The following CENPP variants were observed in gnomAD, a reference collection of about 807,000 sequenced individuals.
The protein encoded by CENPP is centromere protein P.
In CENPP, 24 loss-of-function variants were observed where a neutral mutation model predicts 35.6. The observed-to-expected ratio is 0.67, with a 90% confidence interval of 0.49 to 0.95. The LOEUF is 0.95. Among genes scored for constraint, CENPP ranks in the 40% least tolerant of loss-of-function variants. The pLI is 0.00. For synonymous variants in CENPP, 120 were observed against 125.5 expected (o/e 0.96, Z 0.29); for missense variants, 332 against 345.3 (o/e 0.96, Z 0.31).
intron 5 of CENPP, among the ~76,000 whole-genome samples, chr9:92,518,815 G>A (rs907262932): frequency 6.6e-6 from 1 of 152,188 alleles, no homozygotes; most frequent in African/African-American, 2.4e-5. Context: ...CTTGAACCCA[G>A]GAGGTGGAGG....
At chr9:92,528,245 A>T (rs1178700365) in intron 5 of CENPP, among the ~76,000 whole-genome samples, 1 of 152,182 alleles carries the variant, frequency 6.6e-6, no homozygotes, top group Non-Finnish European at 1.5e-5. Flanking sequence ...CTGAAAGGGG[A>T]TGCAAATCAA....
chr9:92,362,922 G>T (rs1480497558), intron 4 of CENPP, among the ~76,000 whole-genome samples: 2 of 151,312 alleles, frequency 1.3e-5, no homozygotes, highest in Non-Finnish European at 2.9e-5. Context: ...TCTTATTTTG[G>T]TGCTCAAAGT....
chr9:92,429,782 C>T (rs371005059), intron 5 of CENPP, among the ~76,000 whole-genome samples: 208 of 138,570 alleles, frequency 1.5e-3, no homozygotes, highest in African/African-American at 5.6e-3. Context: ...AACGAAACTC[C>T]GTCTCAAAAT....
At chr9:92,483,451 A>G (rs1333038262) in intron 5 of CENPP, among the ~76,000 whole-genome samples, 2 of 152,074 alleles carry the variant, frequency 1.3e-5, no homozygotes, top group Non-Finnish European at 2.9e-5. Context: ...GATGGTCTCG[A>G]TCTCCTGACC....
intron 5 of CENPP, among the ~76,000 whole-genome samples, chr9:92,520,754 C>T (rs1222312207): frequency 6.6e-6 from 1 of 152,098 alleles, no homozygotes; most frequent in Non-Finnish European, 1.5e-5. Context: ...ATGGTATAGC[C>T]ATACAATGGA....
chr9:92,485,877 A>G (rs139843489), intron 5 of CENPP, among the ~76,000 whole-genome samples: 178 of 152,370 alleles, frequency 1.2e-3, no homozygotes, highest in African/African-American at 4.0e-3. Flanking sequence ...TAGGAGCAGC[A>G]TGTGTCAGGA....
chr9:92,473,186 A>C (rs1027476510), intron 5 of CENPP, among the ~76,000 whole-genome samples: 2 of 152,146 alleles, frequency 1.3e-5, no homozygotes, highest in African/African-American at 4.8e-5. Context: ...GTCTTTGGTG[A>C]CAAGTGTGTT....
Position 92,612,548 on chromosome 9 carries a change from A to C in CENPP, c.670A>C (p.Ile224Leu). Residue 224 changes from isoleucine to leucine, a missense_variant, in exon 7 of 8, where the codon ATA becomes CTA. Physicochemically the swap from Ile to Leu is conservative, Grantham distance 5. Coordinates refer to ENST00000375587, the MANE Select transcript of CENPP (RefSeq NM_001012267.3). ...PGFELVIVWR[I>L]QIDEDGKVFP... ...GTTTGAATTAGTCATTGTTTGGAGGATACAAATAGATGAAGATGGGAAGGT... is the reference window on the plus strand; with the variant it reads ...GTTTGAATTAGTCATTGTTTGGAGGCTACAAATAGATGAAGATGGGAAGGT... The C allele has an allele frequency of 1.2e-6, 2 of 1,613,950 alleles. No individual in the cohort carries two copies. The highest frequency in any genetic ancestry group is 1.7e-6 in the Non-Finnish European group (2 of 1,179,866).
chr9:92,383,062 A>C (rs1842300067), intron 5 of CENPP, among the ~76,000 whole-genome samples: 1 of 151,734 alleles, frequency 6.6e-6, no homozygotes, highest in African/African-American at 2.4e-5. Flanking sequence ...CACCCGGCTA[A>C]TTTTTTGGAA....
chr9:92,464,914 C>T, intron 5 of CENPP: 1 of 1,582,844 alleles, frequency 6.3e-7, no homozygotes, highest in Admixed American at 1.7e-5. Context: ...AAAGTAAATA[C>T]AAACCTTTAG....
At chr9:92,569,177 T>A (rs747636544) in intron 5 of CENPP, among the ~76,000 whole-genome samples, 68 of 152,218 alleles carry the variant, frequency 4.5e-4, no homozygotes, top group Admixed American at 8.5e-4. Flanking sequence ...CTGAATGGTA[T>A]TGCCTAGGTT....
At chr9:92,365,144 C>T (rs1841854815) in intron 4 of CENPP, among the ~76,000 whole-genome samples, 1 of 151,790 alleles carries the variant, frequency 6.6e-6, no homozygotes, top group Admixed American at 6.6e-5. Flanking sequence ...GGGAAACAGG[C>T]AATAAACAAA....
chr9:92,520,577 T>A (rs1048770618), intron 5 of CENPP, among the ~76,000 whole-genome samples: 4 of 152,138 alleles, frequency 2.6e-5, no homozygotes, highest in African/African-American at 9.7e-5. Flanking sequence ...AATATAGAAT[T>A]ACCAAATGGC....
chr9:92,368,278 A>G (rs1841934718), intron 4 of CENPP, among the ~76,000 whole-genome samples: 1 of 152,210 alleles, frequency 6.6e-6, no homozygotes, highest in African/African-American at 2.4e-5. Context: ...GTATAAAATT[A>G]CCTTCAAGAC....
At chr9:92,357,014 T>G (rs1308321857) in intron 4 of CENPP, among the ~76,000 whole-genome samples, 1 of 152,182 alleles carries the variant, frequency 6.6e-6, no homozygotes, top group East Asian at 1.9e-4. Flanking sequence ...GTTTTTTAAA[T>G]TACATAGAAA....
chr9:92,352,504 T>TAC (rs55834113), intron 4 of CENPP, among the ~76,000 whole-genome samples: 53 of 102,870 alleles, frequency 5.2e-4, no homozygotes, highest in Non-Finnish European at 7.7e-4. Flanking sequence ...TGTGTGTGTG[T>TAC]GTATACATAT....
intron 5 of CENPP, among the ~76,000 whole-genome samples, chr9:92,462,267 T>C (rs752196905): frequency 2.6e-5 from 4 of 152,250 alleles, no homozygotes; most frequent in Non-Finnish European, 5.9e-5. Flanking sequence ...CATGAGCCAC[T>C]GTGCCTGGCT....
intron 4 of CENPP, among the ~76,000 whole-genome samples, chr9:92,358,798 TC>T (rs910640178): frequency 5.9e-5 from 9 of 152,110 alleles, no homozygotes; most frequent in African/African-American, 1.9e-4. Context: ...TTCTTAACTT[TC>T]TCCAGATCTT....
intron 5 of CENPP, among the ~76,000 whole-genome samples, chr9:92,451,733 T>G: frequency 7.6e-6 from 1 of 131,500 alleles, no homozygotes; most frequent in South Asian, 2.5e-4. Flanking sequence ...CCCATGAGCA[T>G]GGAATGTTCT....
Sources: gnomAD v4.1 joint callset for allele counts (sites outside exome capture counted in the v4.1 genomes callset) on GRCh38, gnomAD v4.1.1 for gene constraint, MANE v1.5 for transcripts, NCBI Gene and HGNC (gene_info 2026-07-23, HGNC 2026-07-21) for gene names.